Variants in ELAPOR1 observed in about 807,000 individuals in gnomAD.
ELAPOR1 encodes the protein endosome/lysosome-associated apoptosis and autophagy regulator 1.
Under a neutral mutation model 119.7 loss-of-function variants are expected in ELAPOR1, and 77 were observed. The ratio of observed to expected loss-of-function variants is 0.64; its 90% CI spans 0.54 to 0.78. ELAPOR1 has a LOEUF of 0.78. Among genes scored for constraint, ELAPOR1 ranks in the 30% least tolerant of loss-of-function variants. ELAPOR1 has a pLI of 0.00. For missense variants in ELAPOR1, 1,115 were observed against 1,270.4 expected (o/e 0.88, Z 1.86); for synonymous variants, 481 against 487.2 (o/e 0.99, Z 0.17).
intron 1 of ELAPOR1, among the ~76,000 whole-genome samples, chr1:109,131,074 C>T (rs1474299344): frequency 1.3e-5 from 2 of 152,188 alleles, no homozygotes; most frequent in Admixed American, 6.5e-5. Flanking sequence ...TAGGAGGTTA[C>T]AGTCAAGATG....
intron 7 of ELAPOR1, among the ~76,000 whole-genome samples, chr1:109,175,450 C>A (rs904384054): frequency 2.6e-5 from 4 of 151,418 alleles, no homozygotes; most frequent in African/African-American, 9.7e-5. Flanking sequence ...GATCTGCCCA[C>A]CTCGGCCTCC....
In ELAPOR1 at chr1:109,185,071, C is replaced by T. The variant is rs1230013610; in HGVS notation, c.979C>T (p.Arg327Cys). 1.2e-5 allele frequency: 19 copies of T among 1,613,942 alleles called. No individual in the cohort carries two copies. Among genetic ancestry groups the T allele is most frequent in the East Asian group, 8.9e-5 (4 of 44,892 alleles). The change falls in exon 8 of 22, where the codon CGC becomes TGC. Residue 327 changes from arginine to cysteine, a missense_variant. Coordinates refer to ENST00000369939, the MANE Select transcript of ELAPOR1 (RefSeq NM_020775.5). ...GAAAGGATCTTCTTCCTGTAACGTGCGCCCAGCTTGCACAGACAAAGATTA... is the reference window on the plus strand; with the variant it reads ...GAAAGGATCTTCTTCCTGTAACGTGTGCCCAGCTTGCACAGACAAAGATTA... The part of the protein sequence containing the change: ...SEKGSSSCNV[R>C]PACTDKDYFY...
rs535625738 is a variant in ELAPOR1, at chr1:109,204,485, C to T, written c.*1473C>T. 2.6e-5 allele frequency: 4 copies of T among 152,316 alleles called. No individual in the cohort carries two copies. In the East Asian group the frequency reaches 7.7e-4, roughly 29 times the overall value. 9.4% of individuals were successfully genotyped at this position (152,316 alleles called of 1,614,324 possible). A position where few individuals can be genotyped will look rare whatever the true frequency, so the allele number is the denominator to read the frequency against. On this transcript the variant is annotated 3_prime_UTR_variant, in exon 22 of 22. Transcript: ENST00000369939. ...GCAAACCCTGTCAGTGAGGAAAATT[C>T]CCCATCCTTGAGTGCCCCCGTCCTA... is the stretch of plus-strand genomic sequence containing the variant.
At chr1:109,156,388 A>G (rs1369258966) in intron 1 of ELAPOR1, among the ~76,000 whole-genome samples, 1 of 152,174 alleles carries the variant, frequency 6.6e-6, no homozygotes, top group Non-Finnish European at 1.5e-5. Context: ...AGTGGCATGA[A>G]GTACATTCAC....
At position 109,173,705 on chromosome 1, in the gene ELAPOR1, G is replaced by T; in HGVS notation, c.820G>T (p.Glu274Ter). The change falls in exon 7 of 22, where the codon GAA (glutamate) becomes TAA (stop). Residue 274 changes from glutamate to a stop codon, truncating the protein, a stop_gained. Transcript: ENST00000369939. LOFTEE classifies it high-confidence loss of function. ...CTCCCTAGGGGTGGCCTACACTTCAGAATGCTTCCCCTGCAAACCTGGCAC... is the reference window on the plus strand; with the variant it reads ...CTCCCTAGGGGTGGCCTACACTTCATAATGCTTCCCCTGCAAACCTGGCAC... ...IAITGVAYTS[E>*]CFPCKPGTYA... The T allele has an allele frequency of 6.2e-7, 1 of 1,614,166 alleles. No homozygotes were observed. Among genetic ancestry groups the T allele is most frequent in the Non-Finnish European group, 8.5e-7 (1 of 1,180,014 alleles).
At chr1:109,172,188 A>C (rs1169062830) in intron 4 of ELAPOR1, among the ~76,000 whole-genome samples, 175 bp downstream of exon 4, 1 of 152,082 alleles carries the variant, frequency 6.6e-6, no homozygotes, top group African/African-American at 2.4e-5. Flanking sequence ...GAAAAGGCAA[A>C]AGTGAAAGGA....
At chr1:109,182,051 G>T (rs1049125812) in intron 7 of ELAPOR1, among the ~76,000 whole-genome samples, 6 of 152,110 alleles carry the variant, frequency 3.9e-5, no homozygotes, top group African/African-American at 1.4e-4. Context: ...ATAATTCCCG[G>T]CTGGGCATGG....
intron 1 of ELAPOR1, among the ~76,000 whole-genome samples, chr1:109,115,421 T>G (rs1647926675): frequency 6.6e-6 from 1 of 152,114 alleles, no homozygotes; most frequent in South Asian, 2.1e-4. Context: ...AATATATATA[T>G]AGATGTATTT....
rs911057951 is a variant in ELAPOR1 at position 109,196,117 on chromosome 1, C to T, written c.2122-1357C>T. 2.0e-5 allele frequency among the ~76,000 whole-genome samples: 3 copies of T among 152,086 alleles called. No individual in the cohort carries two copies. The East Asian group carries it at 5.8e-4, about 29-fold the overall frequency. ...ATTGCAGTGAGCCAAGATCATGCCA[C>T]TGCACTCCAGCCTGGACAACACAGC... is the stretch of plus-strand genomic sequence containing the variant. On this transcript the variant is annotated intron_variant, in intron 15 of 21. Transcript: ENST00000369939.
At chr1:109,137,126 G>C (rs966533726) in intron 1 of ELAPOR1, among the ~76,000 whole-genome samples, 1 of 152,158 alleles carries the variant, frequency 6.6e-6, no homozygotes, top group Non-Finnish European at 1.5e-5. Flanking sequence ...CTTTTACTTA[G>C]AGTTTCAGTT....
At chr1:109,126,506 T>C (rs555083600) in intron 1 of ELAPOR1, among the ~76,000 whole-genome samples, 1 of 152,312 alleles carries the variant, frequency 6.6e-6, no homozygotes, top group Admixed American at 6.5e-5. Flanking sequence ...AGTCTCGCTC[T>C]GTTGCCCAGG....
intron 9 of ELAPOR1, among the ~76,000 whole-genome samples, chr1:109,188,783 T>C (rs991182419): frequency 6.6e-6 from 1 of 152,220 alleles, no homozygotes; most frequent in African/African-American, 2.4e-5. Context: ...ATATGAACTA[T>C]ATGTATCAGA....
At chr1:109,196,228 A>C (rs1014104731) in intron 15 of ELAPOR1, among the ~76,000 whole-genome samples, 2 of 152,228 alleles carry the variant, frequency 1.3e-5, no homozygotes, top group Admixed American at 1.3e-4. Flanking sequence ...AGGCCTTTAC[A>C]TCATAGAGCT....
chr1:109,174,413 T>TAAAAAAAAAAAAAAA (rs59275691), intron 7 of ELAPOR1, among the ~76,000 whole-genome samples: 3 of 42,044 alleles, frequency 7.1e-5, no homozygotes, highest in Non-Finnish European at 8.1e-5. Context: ...ACCCTGTCTC[T>TAAAAAAAAAAAAAAA]AAAAAAAAAA....
rs138414061 is a variant in ELAPOR1, at chr1:109,187,608, C to A, written c.1042-569C>A. 6.0e-6 allele frequency: 6 copies of A among 1,002,290 alleles called. No individual in the cohort carries two copies. The East Asian group carries it at 5.7e-4, about 95-fold the overall frequency. The allele number at this position is 1,002,290 out of a possible 1,614,324, so 62.1% of individuals were successfully genotyped here. ...CCCCTGACTCAGCCGGGGTCTCCTG[C>A]GGGTCATCTCCACTTCTGTACCCAA... On this transcript the variant is annotated intron_variant, in intron 8 of 21. Coordinates refer to ENST00000369939, the MANE Select transcript of ELAPOR1 (RefSeq NM_020775.5).
In ELAPOR1 at chr1:109,198,672, AG is replaced by A; in HGVS notation, c.2501+1del. On this transcript the variant is annotated frameshift_variant and splice_region_variant, in exon 18 of 22. Coordinates refer to ENST00000369939, the MANE Select transcript of ELAPOR1 (RefSeq NM_020775.5). LOFTEE classifies it high-confidence loss of function. Reference protein sequence around the residue: ...KTVPGSLLLPGTCSDGTCDGC... With the variant: ...KTVPGSLLLPXTCSDGTCDGC... ...CTGTCCCTGGAAGTTTGCTGCTGCC[AG>A]GGTAAGCCCTGCAAAGGGATGTAAC... 1 of 1,612,628 alleles carries A rather than the reference AG, an allele frequency of 6.2e-7. No homozygotes were observed. Among genetic ancestry groups the A allele is most frequent in the Non-Finnish European group, 8.5e-7 (1 of 1,179,416 alleles).
At position 109,194,581 on chromosome 1, in the gene ELAPOR1, T is replaced by C; in HGVS notation, c.2108T>C (p.Leu703Pro). ...LKYFHHFTLS[L>P]CGNQGRKMSV... is the part of the protein sequence containing the mutation. ...TACTTCCATCACTTTACCCTCAGTCTCTGTGGAAACCAGGTAAGGTATACC... is the reference window on the plus strand; with the variant it reads ...TACTTCCATCACTTTACCCTCAGTCCCTGTGGAAACCAGGTAAGGTATACC... The change falls in exon 15 of 22, where the codon CTC becomes CCC. Residue 703 changes from leucine to proline, a missense_variant. Leu to Pro is a moderately conservative substitution (Grantham distance 98). Transcript: ENST00000369939. 1 of 1,613,900 alleles carries C rather than the reference T, an allele frequency of 6.2e-7. No homozygotes were observed. The highest frequency in any genetic ancestry group is 8.5e-7 in the Non-Finnish European group (1 of 1,179,748).
chr1:109,136,899 G>C (rs145195934), intron 1 of ELAPOR1, among the ~76,000 whole-genome samples: 1 of 152,188 alleles, frequency 6.6e-6, no homozygotes, highest in Non-Finnish European at 1.5e-5. Flanking sequence ...GGGACCAGGA[G>C]AACTGAACAG....
chr1:109,139,868 C>G (rs1649718936), intron 1 of ELAPOR1, among the ~76,000 whole-genome samples: 1 of 151,956 alleles, frequency 6.6e-6, no homozygotes, highest in Non-Finnish European at 1.5e-5. Flanking sequence ...GACTCCCGGG[C>G]TCAAGCCATA....
Sources: gnomAD v4.1 joint callset for allele counts (sites outside exome capture counted in the v4.1 genomes callset) on GRCh38, gnomAD v4.1.1 for gene constraint, MANE v1.5 for transcripts, NCBI Gene and HGNC (gene_info 2026-07-23, HGNC 2026-07-21) for gene names.